The following EHMT1 variants were observed in gnomAD, a reference collection of about 807,000 sequenced individuals.
EHMT1 encodes histone-lysine N-methyltransferase EHMT1.
In EHMT1, 15 loss-of-function variants were observed where a neutral mutation model predicts 147.2. The observed-to-expected ratio is 0.10, with a 90% CI of 0.07 to 0.16. The LOEUF is 0.16. EHMT1 is among the 10% of genes least tolerant of loss of function. The pLI, the probability that EHMT1 is intolerant of heterozygous loss-of-function variation, is 1.00. For missense variants in EHMT1, 1,587 were observed against 1,772.4 expected (o/e 0.90, Z 1.88); for synonymous variants, 795 against 709.6 (o/e 1.12, Z -1.91).
Position 137,717,233 on chromosome 9 carries a change from T to A in EHMT1, c.642+51T>A. 1.9e-6 allele frequency: 3 copies of A among 1,596,734 alleles called. No homozygotes were observed. In the African/African-American group the frequency reaches 4.0e-5, roughly 21 times the overall value. On this transcript the variant is annotated intron_variant, in intron 3 of 26. Coordinates refer to ENST00000460843, the MANE Select transcript of EHMT1 (RefSeq NM_024757.5). ...TTCCTTTTTCCCATCTCTTTTGTTT[T>A]AATAACGGCAAATGGACTTTGGTGC...
At chr9:137,627,058 A>G (rs1843306622) in intron 1 of EHMT1, among the ~76,000 whole-genome samples, 1 of 152,048 alleles carries the variant, frequency 6.6e-6, no homozygotes, top group African/African-American at 2.4e-5. Context: ...CCCAGGTTCA[A>G]GCGCTTCTCC....
At chr9:137,636,872 AT>A (rs908138820) in intron 1 of EHMT1, among the ~76,000 whole-genome samples, 41 of 113,800 alleles carry the variant, frequency 3.6e-4, no homozygotes, top group African/African-American at 1.2e-3. Context: ...AAAATTTATT[AT>A]TTTTTTTTGA....
At chr9:137,721,318 ACT>A (rs1945977876) in intron 3 of EHMT1, among the ~76,000 whole-genome samples, 2 of 98,260 alleles carry the variant, frequency 2.0e-5, no homozygotes, top group Admixed American at 1.3e-4. Flanking sequence ...GACTTCTCAC[ACT>A]CACCCCTCCC....
At chr9:137,666,668 G>A (rs924760721) in intron 1 of EHMT1, among the ~76,000 whole-genome samples, 1 of 152,234 alleles carries the variant, frequency 6.6e-6, no homozygotes. Context: ...TGGGAACAGA[G>A]CCTCCCCCTC....
chr9:137,743,558 G>T, intron 5 of EHMT1, 30 bp downstream of exon 5: 1 of 1,613,840 alleles, frequency 6.2e-7, no homozygotes, highest in Non-Finnish European at 8.5e-7. Context: ...GAGTTGCCAC[G>T]TGTGCGTGGA....
intron 15 of EHMT1, among the ~76,000 whole-genome samples, chr9:137,789,975 C>T (rs1371789755): frequency 6.6e-6 from 1 of 152,220 alleles, no homozygotes; most frequent in Non-Finnish European, 1.5e-5. Flanking sequence ...GGTGATCCAC[C>T]TGCCTTGGCC....
intron 2 of EHMT1, among the ~76,000 whole-genome samples, chr9:137,713,819 T>A (rs1021295417): frequency 6.6e-6 from 1 of 151,724 alleles, no homozygotes; most frequent in African/African-American, 2.4e-5. Flanking sequence ...ATGTGGTGGC[T>A]CGCACCTATA....
chr9:137,668,158 T>C (rs951338765), intron 1 of EHMT1, among the ~76,000 whole-genome samples: 5 of 152,170 alleles, frequency 3.3e-5, no homozygotes, highest in African/African-American at 1.2e-4. Flanking sequence ...GACGCACTGA[T>C]CGAGAAGACA....
intron 1 of EHMT1, among the ~76,000 whole-genome samples, chr9:137,668,608 C>T (rs1939977136): frequency 6.6e-6 from 1 of 152,162 alleles, no homozygotes; most frequent in Non-Finnish European, 1.5e-5. Context: ...TTAGCAGTTC[C>T]TTCCCGTGTC....
intron 15 of EHMT1, chr9:137,788,028 A>G (rs1952135405): frequency 7.1e-7 from 1 of 1,409,308 alleles, no homozygotes; most frequent in Admixed American, 2.0e-5. Context: ...AGGCTCCGGG[A>G]AGAGGGTTGA....
chr9:137,723,479 GT>G (rs1166626569), intron 3 of EHMT1, among the ~76,000 whole-genome samples: 2 of 142,418 alleles, frequency 1.4e-5, no homozygotes, highest in Non-Finnish European at 3.0e-5. Context: ...TGAGCCCGGG[GT>G]GTGTCTGTGT....
intron 9 of EHMT1, among the ~76,000 whole-genome samples, chr9:137,760,449 T>G (rs1432506754): frequency 6.6e-6 from 1 of 152,186 alleles, no homozygotes; most frequent in African/African-American, 2.4e-5. Context: ...GCTTTAAACT[T>G]GTAGTGATTT....
intron 1 of EHMT1, among the ~76,000 whole-genome samples, chr9:137,644,525 G>A (rs1042643754): frequency 1.3e-5 from 2 of 152,066 alleles, no homozygotes; most frequent in African/African-American, 2.4e-5. Flanking sequence ...ACGGGGTTTC[G>A]CCATATTGGC....
In EHMT1 at chr9:137,658,571, TG is replaced by T. The variant is rs528731538; in HGVS notation, c.21+39523del. ...TTTATCATCATCTGCAATTATCTTT[TG>T]TTTTTTTTTAATGGCTTTTTATAAA... On this transcript the variant is annotated intron_variant, in intron 1 of 26. Transcript: ENST00000460843. 2.5e-3 allele frequency among the ~76,000 whole-genome samples: 376 copies of T among 152,256 alleles called. 2 individuals carry two copies. The highest frequency in any genetic ancestry group is 8.8e-3 in the African/African-American group (365 of 41,526).
At chr9:137,623,822 C>T (rs1334808668) in intron 1 of EHMT1, among the ~76,000 whole-genome samples, 1 of 152,074 alleles carries the variant, frequency 6.6e-6, no homozygotes, top group Non-Finnish European at 1.5e-5. Flanking sequence ...TTCATTGTTG[C>T]TCTTGAGAAG....
rs2133087303 is a variant in EHMT1 at position 137,831,690 on chromosome 9, T to TC, written c.3541-2658dup. On this transcript the variant is annotated intron_variant, in intron 25 of 26. Coordinates refer to ENST00000460843, the MANE Select transcript of EHMT1 (RefSeq NM_024757.5). ...AAAATACGTGTCTGTTGGCCCAGTG[T>TC]CTGGTTCATCTCAAGGCTGGACTCA... Among the ~76,000 whole-genome samples the TC allele has an allele frequency of 2.6e-5, 4 of 152,392 alleles. No homozygotes were observed. The East Asian group carries it at 7.7e-4, about 29-fold the overall frequency.
chr9:137,725,847 C>T (rs1427214093), intron 3 of EHMT1, among the ~76,000 whole-genome samples: 1 of 152,106 alleles, frequency 6.6e-6, no homozygotes. Context: ...CCCTGGCACA[C>T]CCCTCTCATC....
chr9:137,686,713 G>T (rs1024265968), intron 1 of EHMT1, among the ~76,000 whole-genome samples: 46 of 149,084 alleles, frequency 3.1e-4, no homozygotes, highest in African/African-American at 2.5e-5. Context: ...TGAGGTAGGG[G>T]TCCAACCTCA....
chr9:137,623,007 G>A (rs1206517867), intron 1 of EHMT1, among the ~76,000 whole-genome samples: 4 of 151,382 alleles, frequency 2.6e-5, no homozygotes, highest in African/African-American at 7.3e-5. Flanking sequence ...TCAGGAGATC[G>A]AGACCATCCT....
Sources: allele counts gnomAD v4.1 joint callset (sites outside exome capture counted in the v4.1 genomes callset), GRCh38; gene constraint gnomAD v4.1.1; transcripts MANE v1.5; gene names NCBI Gene and HGNC (gene_info 2026-07-23, HGNC 2026-07-21).